The following SLC9A9 variants were observed in gnomAD, a reference collection of about 807,000 sequenced individuals.
SLC9A9 encodes the protein solute carrier family 9 member A9.
A neutral mutation model predicts 77.8 loss-of-function variants in SLC9A9; 62 were observed. That is an observed-to-expected ratio of 0.80 (90% CI 0.65 to 0.98). The LOEUF is 0.98. SLC9A9 is among the 50% of genes least tolerant of loss of function. The pLI, the probability that SLC9A9 is intolerant of heterozygous loss-of-function variation, is 0.00. For synonymous variants in SLC9A9, 320 were observed against 283.5 expected, an observed-to-expected ratio of 1.13 and a Z score of -1.29; for missense variants, 775 against 774.9, an observed-to-expected ratio of 1.00 and a Z score of 0.00.
chr3:143,482,756 A>C (rs188556023), intron 11 of SLC9A9, among the ~76,000 whole-genome samples: 4 of 152,348 alleles, frequency 2.6e-5, no homozygotes, highest in Admixed American at 2.0e-4. Flanking sequence ...AAGTGGACTG[A>C]TCTTTGTAAT....
chr3:143,688,112 T>TTC (rs946925084), intron 5 of SLC9A9, among the ~76,000 whole-genome samples: 9 of 151,152 alleles, frequency 6.0e-5, no homozygotes, highest in South Asian at 2.1e-4. Flanking sequence ...CCTTTCTTTC[T>TTC]TCTCTCTCTC....
chr3:143,747,761 C>T (rs146234261), intron 4 of SLC9A9, among the ~76,000 whole-genome samples: 11 of 152,334 alleles, frequency 7.2e-5, no homozygotes, highest in African/African-American at 2.4e-4. Context: ...CTTTGGCCTC[C>T]AGAACTGGAA....
chr3:143,674,993 T>C (rs540503900), intron 5 of SLC9A9, among the ~76,000 whole-genome samples: 19 of 152,246 alleles, frequency 1.2e-4, no homozygotes, highest in Admixed American at 1.2e-3. Flanking sequence ...AATGGGGTGT[T>C]GGACTTGACC....
chr3:143,367,260 T>A (rs2032932726), intron 13 of SLC9A9, among the ~76,000 whole-genome samples: 1 of 152,208 alleles, frequency 6.6e-6, no homozygotes, highest in Non-Finnish European at 1.5e-5. Flanking sequence ...AAACTTCATT[T>A]CATGTGGGTG....
chr3:143,574,619 AC>A (rs35743365), intron 7 of SLC9A9, among the ~76,000 whole-genome samples: 4 of 152,190 alleles, frequency 2.6e-5, no homozygotes, highest in Non-Finnish European at 5.9e-5. Context: ...CTGTGGGCAG[AC>A]GACCTGGTAG....
chr3:143,404,351 T>C (rs1341298138), intron 12 of SLC9A9, among the ~76,000 whole-genome samples: 1 of 152,024 alleles, frequency 6.6e-6, no homozygotes, highest in Non-Finnish European at 1.5e-5. Flanking sequence ...TTTGTATTTT[T>C]AGTAGAGACA....
intron 12 of SLC9A9, among the ~76,000 whole-genome samples, chr3:143,430,283 C>T (rs577137958): frequency 3.0e-4 from 46 of 152,312 alleles, no homozygotes; most frequent in Non-Finnish European, 5.4e-4. Flanking sequence ...CAAGTTCTGA[C>T]CCCATCCCCC....
intron 4 of SLC9A9, among the ~76,000 whole-genome samples, chr3:143,724,967 C>A (rs1182048702): frequency 6.6e-6 from 1 of 152,180 alleles, no homozygotes; most frequent in Non-Finnish European, 1.5e-5. Flanking sequence ...ACAGAGTTTA[C>A]ACAAGAGACT....
intron 8 of SLC9A9, among the ~76,000 whole-genome samples, chr3:143,555,284 G>T (rs541184613): frequency 6.6e-6 from 1 of 152,282 alleles, no homozygotes; most frequent in East Asian, 1.9e-4. Context: ...GGCCTCCCCA[G>T]CTACGTGGAA....
chr3:143,553,298 C>T (rs150331285), intron 8 of SLC9A9, among the ~76,000 whole-genome samples: 41 of 151,832 alleles, frequency 2.7e-4, no homozygotes, highest in African/African-American at 9.7e-4. Flanking sequence ...TGTTATTGTC[C>T]CTGGGCTGGA....
intron 14 of SLC9A9, among the ~76,000 whole-genome samples, chr3:143,288,039 T>G (rs1467188788): frequency 6.6e-6 from 1 of 152,164 alleles, no homozygotes; most frequent in Admixed American, 6.5e-5. Context: ...ATTTTAAATG[T>G]GGAGAACTGG....
intron 5 of SLC9A9, among the ~76,000 whole-genome samples, chr3:143,678,535 G>A (rs1932964251): frequency 6.6e-6 from 1 of 152,106 alleles, no homozygotes. Flanking sequence ...AGTACCATTT[G>A]TTAAATAAAC....
chr3:143,793,348 T>A (rs1302698353), intron 4 of SLC9A9, among the ~76,000 whole-genome samples: 1 of 152,156 alleles, frequency 6.6e-6, no homozygotes, highest in African/African-American at 2.4e-5. Context: ...TGAAAGCATA[T>A]AATATAAATA....
In SLC9A9 at chr3:143,795,000, C is replaced by A; in HGVS notation, c.533+1G>T. On this transcript the variant is annotated splice_donor_variant, in intron 4 of 15. Transcript: ENST00000316549. LOFTEE classifies it high-confidence loss of function. ...CAACTTGAGCTCCGAATGTCACTTA[C>A]CCTATGACGATGCAGGAGATGGCAG... The A allele has an allele frequency of 6.2e-7, 1 of 1,613,772 alleles. No homozygotes were observed. Among genetic ancestry groups the A allele is most frequent in the Non-Finnish European group, 8.5e-7 (1 of 1,179,764 alleles).
intron 12 of SLC9A9, among the ~76,000 whole-genome samples, chr3:143,394,056 A>G (rs1042465955): frequency 2.6e-5 from 4 of 152,298 alleles, no homozygotes; most frequent in African/African-American, 9.6e-5. Flanking sequence ...TTCTGAAACT[A>G]TTCCAATCAA....
At chr3:143,645,803 A>G (rs183902529) in intron 6 of SLC9A9, among the ~76,000 whole-genome samples, 11 of 152,138 alleles carry the variant, frequency 7.2e-5, no homozygotes, top group Non-Finnish European at 1.0e-4. Flanking sequence ...GATGACATCG[A>G]ATTTCCTTAT....
chr3:143,430,636 G>A (rs939239687), intron 12 of SLC9A9, among the ~76,000 whole-genome samples: 1 of 152,222 alleles, frequency 6.6e-6, no homozygotes, highest in African/African-American at 2.4e-5. Context: ...GGAGGCCAAT[G>A]AAGCTGCATG....
At chr3:143,823,584 T>C (rs376719115) in intron 2 of SLC9A9, among the ~76,000 whole-genome samples, 4 of 152,246 alleles carry the variant, frequency 2.6e-5, no homozygotes, top group African/African-American at 9.6e-5. Flanking sequence ...TATTTCACAT[T>C]GCATGCCTGT....
chr3:143,543,634 A>T (rs554741522), intron 9 of SLC9A9, among the ~76,000 whole-genome samples: 2 of 152,182 alleles, frequency 1.3e-5, no homozygotes, highest in South Asian at 4.1e-4. Flanking sequence ...AGATGAGAAC[A>T]TGTGGTATTT....
Sources: allele counts gnomAD v4.1 joint callset (sites outside exome capture counted in the v4.1 genomes callset), GRCh38; gene constraint gnomAD v4.1.1; transcripts MANE v1.5; gene names NCBI Gene and HGNC (gene_info 2026-07-23, HGNC 2026-07-21).